The following ANKRD12 variants were observed in gnomAD, a reference collection of about 807,000 sequenced individuals.
ANKRD12 encodes ankyrin repeat domain 12.
In ANKRD12, 85 loss-of-function variants were observed where a neutral mutation model predicts 183.4. The ratio of observed to expected loss-of-function variants is 0.46; its 90% confidence interval spans 0.39 to 0.56. ANKRD12 has a LOEUF of 0.56. ANKRD12 is among the 20% of genes least tolerant of loss of function. The pLI, the probability that ANKRD12 is intolerant of heterozygous loss-of-function variation, is 0.00. For synonymous variants in ANKRD12, 914 were observed against 800.2 expected (o/e 1.14, Z -2.40); for missense variants, 2,405 against 2,357.1 (o/e 1.02, Z -0.42).
intron 8 of ANKRD12, among the ~76,000 whole-genome samples, chr18:9,249,361 T>C (rs2038150892): frequency 6.6e-6 from 1 of 152,212 alleles, no homozygotes; most frequent in South Asian, 2.1e-4. Context: ...AGTGATGCTT[T>C]GATAAGTTTA....
chr18:9,172,644 C>T (rs1180350748), intron 1 of ANKRD12, among the ~76,000 whole-genome samples: 1 of 152,154 alleles, frequency 6.6e-6, no homozygotes, highest in South Asian at 2.1e-4. Context: ...TTCTTAGCTT[C>T]TTTGCATTGG....
intron 10 of ANKRD12, among the ~76,000 whole-genome samples, chr18:9,265,672 G>GA (rs1203001217): frequency 7.2e-5 from 11 of 151,990 alleles, no homozygotes; most frequent in South Asian, 2.1e-4. Context: ...ACAAAGATGG[G>GA]AAAAAAACAG....
intron 8 of ANKRD12, among the ~76,000 whole-genome samples, chr18:9,248,031 G>C (rs1343379433): frequency 6.6e-6 from 1 of 152,140 alleles, no homozygotes; most frequent in Non-Finnish European, 1.5e-5. Flanking sequence ...CAGGTGATGA[G>C]CCCACGTCGG....
chr18:9,261,464 T>C (rs903722026), intron 9 of ANKRD12, among the ~76,000 whole-genome samples: 1 of 152,188 alleles, frequency 6.6e-6, no homozygotes, highest in Non-Finnish European at 1.5e-5. Flanking sequence ...TTTACAGAAT[T>C]GTAAGATTGT....
chr18:9,261,593 C>T (rs1014814833), intron 9 of ANKRD12, among the ~76,000 whole-genome samples: 1 of 152,170 alleles, frequency 6.6e-6, no homozygotes, highest in Non-Finnish European at 1.5e-5. Flanking sequence ...CTTCTGCGGT[C>T]TTAAGTTCTT....
At chr18:9,262,620 C>T (rs2039035763) in intron 9 of ANKRD12, among the ~76,000 whole-genome samples, 1 of 151,238 alleles carries the variant, frequency 6.6e-6, no homozygotes, top group African/African-American at 2.4e-5. Flanking sequence ...CCACCACATC[C>T]AGCTAATTTT....
In ANKRD12 at chr18:9,234,324, G is replaced by GC. The variant is rs2037221400; in HGVS notation, c.943+12326dup. Among the ~76,000 whole-genome samples, 4 of 152,190 alleles carry GC rather than the reference G, an allele frequency of 2.6e-5. No homozygotes were observed. In the South Asian group the frequency reaches 8.3e-4, roughly 31 times the overall value. ...ACATGTGAGCCCAGGCACAGAAGCT[G>GC]CTCCACCAGTGGCGGGGCGACGGGG... is the stretch of plus-strand genomic sequence containing the variant. On this transcript the variant is annotated intron_variant, in intron 8 of 12. Coordinates refer to ENST00000262126, the MANE Select transcript of ANKRD12 (RefSeq NM_015208.5).
chr18:9,242,966 C>T (rs943206774), intron 8 of ANKRD12, among the ~76,000 whole-genome samples: 5 of 152,060 alleles, frequency 3.3e-5, no homozygotes, highest in African/African-American at 1.2e-4. Flanking sequence ...AAATTCATAA[C>T]CTTTGCTTTA....
intron 10 of ANKRD12, among the ~76,000 whole-genome samples, chr18:9,270,126 A>G (rs530140977): frequency 3.3e-5 from 5 of 152,318 alleles, no homozygotes; most frequent in Non-Finnish European, 7.3e-5. Context: ...GGTGCTGGAG[A>G]GAATGTGGAG....
rs1462698928 is a variant in ANKRD12, at chr18:9,258,931, A to G, written c.5664A>G (p.Thr1888=). The G allele has an allele frequency of 6.3e-7, 1 of 1,597,090 alleles. No individual in the cohort carries two copies. The highest frequency in any genetic ancestry group is 8.5e-7 in the Non-Finnish European group (1 of 1,171,346). ...CCTTAAGCAAGATTTGTATTCCCACAGTAAGTAACATCATCACTTGCTATA... is the reference window on the plus strand; with the variant it reads ...CCTTAAGCAAGATTTGTATTCCCACGGTAAGTAACATCATCACTTGCTATA... ...GNPLSKICIP[T]ITPPPSLSDP... Residue 1888 remains threonine, a splice_region_variant and synonymous_variant, in exon 9 of 13, where the codon ACA becomes ACG. Coordinates refer to ENST00000262126, the MANE Select transcript of ANKRD12 (RefSeq NM_015208.5).
intron 3 of ANKRD12, 114 bp from the exon 4 acceptor site, chr18:9,204,362 G>T: frequency 2.7e-6 from 2 of 735,932 alleles, no homozygotes; most frequent in South Asian, 1.8e-5. Context: ...TAATCTTTTG[G>T]CAAAACAATA....
intron 1 of ANKRD12, among the ~76,000 whole-genome samples, chr18:9,173,458 A>C (rs1206324221): frequency 2.6e-5 from 4 of 152,030 alleles, no homozygotes; most frequent in African/African-American, 7.3e-5. Flanking sequence ...CAGTCAGTGC[A>C]CTTTTCCATA....
rs2038656903 is a variant in ANKRD12, at chr18:9,256,801, A to C, written c.3534A>C (p.Ser1178=). 1 of 1,614,062 alleles carries C rather than the reference A, an allele frequency of 6.2e-7. No individual in the cohort carries two copies. The highest frequency in any genetic ancestry group is 8.5e-7 in the Non-Finnish European group (1 of 1,179,974). ...DTKNVMTLGK[S]SFVSDNSLNR... ...AAAATGTAATGACTTTAGGGAAGTC[A>C]TCTTTTGTTTCAGATAATAGCTTAA... The change falls in exon 9 of 13, where the codon TCA becomes TCC. Residue 1178 remains serine, a synonymous_variant. Transcript: ENST00000262126.
At chr18:9,249,053 C>T (rs1288686078) in intron 8 of ANKRD12, among the ~76,000 whole-genome samples, 3 of 152,218 alleles carry the variant, frequency 2.0e-5, no homozygotes, top group African/African-American at 7.2e-5. Flanking sequence ...TAATACAGTT[C>T]TAAAACTCAT....
chr18:9,255,363 A>AT lies in ANKRD12; in HGVS notation c.2103dup (p.Lys702Ter). 4 of 1,608,342 alleles carry AT rather than the reference A, an allele frequency of 2.5e-6. No individual in the cohort carries two copies. Among genetic ancestry groups the AT allele is most frequent in the East Asian group, 2.2e-5 (1 of 44,604 alleles). On this transcript the variant is annotated frameshift_variant, in exon 9 of 13. Transcript: ENST00000262126. LOFTEE classifies it high-confidence loss of function. ...TTTGATAGAGAATTTTGGAAAGAGAATTTTTTTAAAAGTGATGAAACTGAA... is the reference window on the plus strand; with the variant it reads ...TTTGATAGAGAATTTTGGAAAGAGAATTTTTTTTAAAAGTGATGAAACTGAA...
chr18:9,194,997 C>A (rs904538261), intron 2 of ANKRD12, among the ~76,000 whole-genome samples: 1 of 152,164 alleles, frequency 6.6e-6, no homozygotes, highest in African/African-American at 2.4e-5. Flanking sequence ...GAACACTATG[C>A]AGCCATTAAA....
intron 3 of ANKRD12, among the ~76,000 whole-genome samples, chr18:9,197,750 A>T (rs1303931224): frequency 6.6e-6 from 1 of 152,168 alleles, no homozygotes; most frequent in Non-Finnish European, 1.5e-5. Context: ...CTTCATCCTC[A>T]TTGTCTTCAC....
chr18:9,172,329 C>A (rs935529378), intron 1 of ANKRD12, among the ~76,000 whole-genome samples: 6 of 152,072 alleles, frequency 3.9e-5, no homozygotes, highest in African/African-American at 1.4e-4. Flanking sequence ...TAATTTGATT[C>A]CATTCTTCTC....
intron 11 of ANKRD12, among the ~76,000 whole-genome samples, chr18:9,277,986 T>C (rs1484994715): frequency 6.6e-6 from 1 of 152,234 alleles, no homozygotes; most frequent in Admixed American, 6.5e-5. Context: ...GAGATCCTTT[T>C]GTGGATCATA....
Sources: allele counts gnomAD v4.1 joint callset (sites outside exome capture counted in the v4.1 genomes callset), GRCh38; gene constraint gnomAD v4.1.1; transcripts MANE v1.5; gene names NCBI Gene and HGNC (gene_info 2026-07-23, HGNC 2026-07-21).